The following REEP1 variants were observed in gnomAD, a reference collection of about 807,000 sequenced individuals.
REEP1 encodes the protein receptor accessory protein 1.
REEP1 carries 22 observed loss-of-function variants against 40.3 expected under a neutral mutation model. That is an observed-to-expected ratio of 0.55 (90% CI 0.39 to 0.78). The LOEUF (loss-of-function observed/expected upper bound fraction) is 0.78. REEP1 is among the 30% of genes least tolerant of loss of function. The pLI is 0.00. For missense variants in REEP1, 280 were observed against 361.1 expected, an observed-to-expected ratio of 0.78 and a Z score of 1.82; for synonymous variants, 116 against 139.2, an observed-to-expected ratio of 0.83 and a Z score of 1.17.
At chr2:86,323,704 A>T (rs368508352) in intron 1 of REEP1, among the ~76,000 whole-genome samples, 3 of 152,340 alleles carry the variant, frequency 2.0e-5, no homozygotes, top group African/African-American at 4.8e-5. Flanking sequence ...GGACCACTGC[A>T]CTAAGGCACT....
At chr2:86,250,631 C>G (rs1048049197) in intron 5 of REEP1, among the ~76,000 whole-genome samples, 1 of 152,114 alleles carries the variant, frequency 6.6e-6, no homozygotes, top group Admixed American at 6.5e-5. Flanking sequence ...CCCCCAACCC[C>G]GAGATCTGCC....
At chr2:86,272,493 A>G (rs1677513525) in intron 2 of REEP1, among the ~76,000 whole-genome samples, 2 of 152,128 alleles carry the variant, frequency 1.3e-5, no homozygotes, top group South Asian at 2.1e-4. Flanking sequence ...CAACACTACA[A>G]TTGTCCTGGT....
At chr2:86,318,756 T>C (rs907025912) in intron 1 of REEP1, among the ~76,000 whole-genome samples, 1 of 152,290 alleles carries the variant, frequency 6.6e-6, no homozygotes, top group South Asian at 2.1e-4. Context: ...TTGAGCGCCA[T>C]ACTTTAGTAT....
At chr2:86,322,880 A>T (rs866697473) in intron 1 of REEP1, among the ~76,000 whole-genome samples, 65 of 152,116 alleles carry the variant, frequency 4.3e-4, no homozygotes, top group African/African-American at 1.5e-3. Context: ...TCCCCACTGC[A>T]CTTCAGCCTG....
intron 1 of REEP1, among the ~76,000 whole-genome samples, chr2:86,285,023 G>A (rs941491000): frequency 6.6e-6 from 1 of 152,198 alleles, no homozygotes; most frequent in Non-Finnish European, 1.5e-5. Flanking sequence ...AATAATGAAG[G>A]AAGCAGGCTC....
rs1050426362 is a variant in REEP1, at chr2:86,216,591, T to G, written c.*448A>C. On this transcript the variant is annotated 3_prime_UTR_variant, in exon 9 of 9. Coordinates refer to ENST00000538924, the MANE Select transcript of REEP1 (RefSeq NM_001371279.1). ...TATTAAAAGCCAAAAGCCATAAATA[T>G]GTACATCATAGTTCAAAGTATAAGT... 1 of 156,432 alleles carries G rather than the reference T, an allele frequency of 6.4e-6. No homozygotes were observed. Among genetic ancestry groups the G allele is most frequent in the Non-Finnish European group, 1.4e-5 (1 of 70,342 alleles). 9.7% of individuals were successfully genotyped at this position (156,432 alleles called of 1,614,324 possible).
At chr2:86,300,838 G>C (rs1679227390) in intron 1 of REEP1, among the ~76,000 whole-genome samples, 1 of 152,070 alleles carries the variant, frequency 6.6e-6, no homozygotes, top group South Asian at 2.1e-4. Flanking sequence ...CTAAAACTTG[G>C]GTCCCCTTAG....
chr2:86,298,319 G>A (rs1679083890), intron 1 of REEP1, among the ~76,000 whole-genome samples: 1 of 152,208 alleles, frequency 6.6e-6, no homozygotes, highest in African/African-American at 2.4e-5. Flanking sequence ...CCCAACTGGG[G>A]GTCAGGAATC....
chr2:86,282,076 A>AG (rs1678125071), intron 2 of REEP1, 94 bp downstream of exon 2: 2 of 839,888 alleles, frequency 2.4e-6, no homozygotes, highest in Admixed American at 3.4e-5. Context: ...CCCTGCTTCC[A>AG]GTGCCCATAG....
chr2:86,279,953 C>T (rs2104385889), intron 2 of REEP1: 2 of 456,234 alleles, frequency 4.4e-6, no homozygotes, highest in Admixed American at 4.7e-5. Context: ...TAGGAGGCTA[C>T]TGTAACCTTC....
At chr2:86,242,005 C>T (rs1409103158) in intron 5 of REEP1, among the ~76,000 whole-genome samples, 5 of 152,048 alleles carry the variant, frequency 3.3e-5, no homozygotes, top group Non-Finnish European at 5.9e-5. Flanking sequence ...TTGTAAATAA[C>T]GTCCCAATGC....
intron 1 of REEP1, among the ~76,000 whole-genome samples, chr2:86,302,635 T>C (rs2104460436): frequency 6.6e-6 from 1 of 152,208 alleles, no homozygotes; most frequent in East Asian, 1.9e-4. Flanking sequence ...AAAGAAAGAA[T>C]TGGCTATAAA....
At chr2:86,294,906 G>A (rs568298941) in intron 1 of REEP1, among the ~76,000 whole-genome samples, 5 of 152,290 alleles carry the variant, frequency 3.3e-5, no homozygotes, top group South Asian at 2.1e-4. Flanking sequence ...ACAAAAGCAC[G>A]GTTGTTACCT....
chr2:86,219,456 T>C lies in REEP1; in HGVS notation c.783+514A>G, dbSNP rs948884038. ...CTCCTATTTGTTTTTCTTTTCTTTTTTTTTTTTTTTTTGAGAAGGAGTCTC... is the reference window on the plus strand; with the variant it reads ...CTCCTATTTGTTTTTCTTTTCTTTTCTTTTTTTTTTTTGAGAAGGAGTCTC... On this transcript the variant is annotated intron_variant, in intron 8 of 8. Transcript: ENST00000538924. 2.7e-5 allele frequency among the ~76,000 whole-genome samples: 4 copies of C among 145,884 alleles called. No homozygotes were observed. In the East Asian group the frequency reaches 5.8e-4, roughly 21 times the overall value.
chr2:86,230,022 G>C (rs1409451743), intron 6 of REEP1, among the ~76,000 whole-genome samples: 4 of 152,210 alleles, frequency 2.6e-5, no homozygotes, highest in Non-Finnish European at 5.9e-5. Flanking sequence ...TTTGCCCCCT[G>C]TGGTCATAGG....
At chr2:86,334,295 C>G (rs1175043247) in intron 1 of REEP1, among the ~76,000 whole-genome samples, 2 of 152,196 alleles carry the variant, frequency 1.3e-5, no homozygotes, top group African/African-American at 4.8e-5. Flanking sequence ...GGAAGACACT[C>G]CCTCTCTATC....
At chr2:86,283,786 T>C (rs1558913472) in intron 1 of REEP1, among the ~76,000 whole-genome samples, 1 of 152,196 alleles carries the variant, frequency 6.6e-6, no homozygotes, top group Non-Finnish European at 1.5e-5. Context: ...AGGACTCCAA[T>C]GCACGGAGCA....
intron 5 of REEP1, among the ~76,000 whole-genome samples, chr2:86,244,523 A>G (rs138381757): frequency 1.0e-3 from 153 of 152,364 alleles, no homozygotes; most frequent in African/African-American, 3.2e-3. Context: ...TGAGTTTTAG[A>G]GAGCAAGTCA....
In REEP1 at chr2:86,217,096, G is replaced by T; in HGVS notation, c.798C>A (p.Ile266=). The T allele has an allele frequency of 6.2e-7, 1 of 1,614,116 alleles. No homozygotes were observed. The highest frequency in any genetic ancestry group is 1.1e-5 in the South Asian group (1 of 91,070). Residue 266 remains isoleucine (I), a synonymous_variant, in exon 9 of 9, where the codon ATC becomes ATA. Transcript: ENST00000538924. ...TTTTCTTCCTGAAGCGAGATCGAAG[G>T]ATTCTAGGCGGTGCCTGGTAGAGAA... ...MELPLEAPPR[I]LRSRFRKKST...
Sources: allele counts gnomAD v4.1 joint callset (sites outside exome capture counted in the v4.1 genomes callset), GRCh38; gene constraint gnomAD v4.1.1; transcripts MANE v1.5; gene names NCBI Gene and HGNC (gene_info 2026-07-23, HGNC 2026-07-21).